MTUS2: variants seen among roughly 807,000 people sequenced by gnomAD.
The protein encoded by MTUS2 is microtubule associated scaffold protein 2, also known as microtubule-associated tumor suppressor candidate 2.
In MTUS2, 40 loss-of-function variants were observed where a neutral mutation model predicts 114.1. The ratio of observed to expected loss-of-function variants is 0.35; its 90% CI spans 0.27 to 0.46. The LOEUF (loss-of-function observed/expected upper bound fraction) is 0.46, where lower values mean the gene tolerates loss of function less well. MTUS2 is among the 20% of genes least tolerant of loss of function. The probability of loss-of-function intolerance (pLI) is 1.00; values close to 1 mark genes in which losing one functional copy is unlikely to be tolerated. For synonymous variants in MTUS2, 688 were observed against 672.0 expected (o/e 1.02, Z -0.37); for missense variants, 1,679 against 1,705.4 (o/e 0.98, Z 0.27).
chr13:29,103,454 A>G (rs9508278), intron 5 of MTUS2, among the ~76,000 whole-genome samples: 102,104 of 152,044 alleles, frequency 0.67, 34,992 homozygotes, highest in Non-Finnish European at 0.74. Flanking sequence ...TAGAAGAAGT[A>G]TAGTAAAGCT....
intron 1 of MTUS2, among the ~76,000 whole-genome samples, chr13:28,836,544 G>GT: frequency 6.6e-6 from 1 of 152,308 alleles, no homozygotes; most frequent in African/African-American, 2.4e-5. Flanking sequence ...ATGTTTTATT[G>GT]TGCTAATTAT....
chr13:29,093,891 C>G (rs1029342632), intron 4 of MTUS2, among the ~76,000 whole-genome samples: 1 of 152,048 alleles, frequency 6.6e-6, no homozygotes, highest in Non-Finnish European at 1.5e-5. Flanking sequence ...TTCCAATAAG[C>G]CCTTATAAGA....
At chr13:29,222,370 C>T (rs1478754697) in intron 5 of MTUS2, among the ~76,000 whole-genome samples, 2 of 152,092 alleles carry the variant, frequency 1.3e-5, no homozygotes, top group Non-Finnish European at 2.9e-5. Flanking sequence ...TTATTATTCT[C>T]TTATCTGTTC....
intron 2 of MTUS2, among the ~76,000 whole-genome samples, chr13:28,948,794 C>T (rs892694108): frequency 6.6e-6 from 1 of 152,088 alleles, no homozygotes; most frequent in Admixed American, 6.6e-5. Context: ...ATGTCTTGGG[C>T]CCCCATATGG....
intron 2 of MTUS2, among the ~76,000 whole-genome samples, chr13:29,012,433 G>A (rs1281763597): frequency 6.6e-6 from 1 of 152,182 alleles, no homozygotes; most frequent in African/African-American, 2.4e-5. Flanking sequence ...AAGGCCATCG[G>A]ATTTGTGGTA....
intron 8 of MTUS2, among the ~76,000 whole-genome samples, chr13:29,365,492 A>G (rs55798730): frequency 0.78 from 113,089 of 144,846 alleles, 42,475 homozygotes; most frequent in East Asian, 0.85. Flanking sequence ...TGTCATCAAT[A>G]CGTTTTTTTG....
chr13:29,201,727 C>T (rs539309413), intron 5 of MTUS2, among the ~76,000 whole-genome samples: 26 of 152,140 alleles, frequency 1.7e-4, no homozygotes, highest in Non-Finnish European at 3.5e-4. Context: ...AGCATTTGCT[C>T]GTCTGTAAAG....
intron 2 of MTUS2, among the ~76,000 whole-genome samples, chr13:28,906,474 C>G (rs1400323266): frequency 6.6e-6 from 1 of 151,254 alleles, no homozygotes; most frequent in Non-Finnish European, 1.5e-5. Flanking sequence ...TCGTTAGTTT[C>G]AAAGAACATC....
At chr13:28,931,223 A>AG (rs1254902630) in intron 2 of MTUS2, among the ~76,000 whole-genome samples, 12 of 152,370 alleles carry the variant, frequency 7.9e-5, no homozygotes, top group Non-Finnish European at 1.6e-4. Flanking sequence ...TCAACCACCA[A>AG]TTGAAAATAT....
At chr13:29,214,139 G>A (rs1161903314) in intron 5 of MTUS2, among the ~76,000 whole-genome samples, 2 of 150,418 alleles carry the variant, frequency 1.3e-5, no homozygotes, top group Non-Finnish European at 3.0e-5. Flanking sequence ...ATTGTGATTA[G>A]AGATTTTATT....
At chr13:28,829,930 T>C (rs780669276) in intron 1 of MTUS2, among the ~76,000 whole-genome samples, 1 of 152,158 alleles carries the variant, frequency 6.6e-6, no homozygotes, top group Non-Finnish European at 1.5e-5. Flanking sequence ...AGACTAACAA[T>C]GAGGCTTTGC....
In MTUS2 at chr13:28,949,123, A is replaced by T. The variant is rs187711886; in HGVS notation, c.-242-75334A>T. Reference sequence around the variant, plus strand: ...AAACTTGTTTTTCAATCTTTGTTGCACAGAAAGGGATTCTTTTGCTCATTT... The same window carrying T: ...AAACTTGTTTTTCAATCTTTGTTGCTCAGAAAGGGATTCTTTTGCTCATTT... On this transcript the variant is annotated intron_variant, in intron 2 of 15. Coordinates refer to ENST00000612955, the MANE Select transcript of MTUS2 (RefSeq NM_001033602.4). Among the ~76,000 whole-genome samples, 86 of 152,312 alleles carry T rather than the reference A, an allele frequency of 5.6e-4. 1 individual carries two copies. The highest frequency in any genetic ancestry group is 2.7e-3 in the Admixed American group (42 of 15,290).
At chr13:28,956,905 A>C (rs187291640) in intron 2 of MTUS2, among the ~76,000 whole-genome samples, 2 of 151,222 alleles carry the variant, frequency 1.3e-5, no homozygotes, top group Admixed American at 1.3e-4. Flanking sequence ...AGAGGGAAGA[A>C]GGCTGCCCTC....
At chr13:29,092,868 C>T (rs1390790517) in intron 4 of MTUS2, among the ~76,000 whole-genome samples, 2 of 152,216 alleles carry the variant, frequency 1.3e-5, no homozygotes, top group Non-Finnish European at 2.9e-5. Flanking sequence ...GGACTGGCCT[C>T]TCATACATTT....
intron 7 of MTUS2, among the ~76,000 whole-genome samples, chr13:29,337,108 C>T (rs1901102406): frequency 6.6e-6 from 1 of 152,102 alleles, no homozygotes; most frequent in Admixed American, 6.5e-5. Context: ...CTGAGCTAGA[C>T]CACTTGGCTC....
At chr13:29,406,572 T>C (rs568862849) in intron 8 of MTUS2, among the ~76,000 whole-genome samples, 8 of 152,252 alleles carry the variant, frequency 5.3e-5, no homozygotes, top group Non-Finnish European at 5.9e-5. Context: ...AGTCTTTTAA[T>C]CTAACTTGGA....
chr13:28,936,166 A>G (rs944526666), intron 2 of MTUS2, among the ~76,000 whole-genome samples: 3 of 152,152 alleles, frequency 2.0e-5, no homozygotes, highest in Admixed American at 6.5e-5. Context: ...GTTAGTTGCC[A>G]TGATGTTTGC....
rs558451904 is a variant in MTUS2 at position 29,218,431 on chromosome 13, G to A, written c.2645-63273G>A. 3.9e-5 allele frequency among the ~76,000 whole-genome samples: 6 copies of A among 152,254 alleles called. No homozygotes were observed. The East Asian group carries it at 9.7e-4, about 25-fold the overall frequency. The stretch of plus-strand genomic sequence containing the variant: ...ATTTCTTTCAAACTGCTGTTAATTT[G>A]AATATTTTGACTTCTTCCTGTGAAT... On this transcript the variant is annotated intron_variant, in intron 5 of 15. Coordinates refer to ENST00000612955, the MANE Select transcript of MTUS2 (RefSeq NM_001033602.4).
rs151010636 is a variant in MTUS2 at position 28,845,800 on chromosome 13, G to A, written c.-243+5950G>A. On this transcript the variant is annotated intron_variant, in intron 2 of 15. Transcript: ENST00000612955. Reference sequence around the variant, plus strand: ...CATGTCTCAGCTCTGGCATTTTTTAGTGTGTGACTTTACTTATGTTACAGT... The same window carrying A: ...CATGTCTCAGCTCTGGCATTTTTTAATGTGTGACTTTACTTATGTTACAGT... Among the ~76,000 whole-genome samples, 865 of 151,994 alleles carry A rather than the reference G, an allele frequency of 5.7e-3. 6 individuals carry two copies. The highest frequency in any genetic ancestry group is 0.027 in the South Asian group (132 of 4,822).
Sources: gnomAD v4.1 joint callset for allele counts (sites outside exome capture counted in the v4.1 genomes callset) on GRCh38, gnomAD v4.1.1 for gene constraint, MANE v1.5 for transcripts, NCBI Gene and HGNC (gene_info 2026-07-23, HGNC 2026-07-21) for gene names.